LIPN: variants seen among roughly 807,000 people sequenced by gnomAD.
LIPN encodes the protein lipase family member N.
A neutral mutation model predicts 43.7 loss-of-function variants in LIPN; 32 were observed. That is an observed-to-expected ratio of 0.73 (90% CI 0.55 to 0.98). LIPN has a LOEUF of 0.98. Ranked by LOEUF, LIPN falls within the 50% of genes least tolerant of loss-of-function variation. The probability of loss-of-function intolerance (pLI) is 0.00; values close to 1 mark genes in which losing one functional copy is unlikely to be tolerated. For synonymous variants in LIPN, 156 were observed against 157.6 expected (o/e 0.99, Z 0.08); for missense variants, 505 against 483.8 (o/e 1.04, Z -0.41).
Position 88,762,301 on chromosome 10 carries a change from C to G in LIPN, c.222C>G (p.Ser74Arg), listed in dbSNP as rs781446885. ...CTTATGGGCGAACACATGCTAGGAG[C>G]ACAGGTACAAGATATGTCTCTCCTG... ...RIPYGRTHARSTGPRPVVYMQ... is the reference protein window; with the variant it reads ...RIPYGRTHARRTGPRPVVYMQ... The change falls in exon 3 of 10, where the codon AGC (serine) becomes AGG (arginine). Residue 74 changes from serine (S) to arginine (R), a missense_variant. Ser to Arg is a moderately radical substitution (Grantham distance 110). Coordinates refer to ENST00000404459, the MANE Select transcript of LIPN (RefSeq NM_001102469.2). The G allele has an allele frequency of 2.3e-5, 36 of 1,587,128 alleles. No homozygotes were observed. The highest frequency in any genetic ancestry group is 1.2e-4 in the Admixed American group (7 of 58,322).
intron 2 of LIPN, 58 bp from the exon 3 acceptor site, chr10:88,762,130 G>C: frequency 1.2e-6 from 1 of 869,446 alleles, no homozygotes; most frequent in South Asian, 1.5e-5. Flanking sequence ...GGTTTGTTTT[G>C]ATTCCTTTTT....
intron 6 of LIPN, 127 bp downstream of exon 6, chr10:88,769,055 G>A (rs2134846589): frequency 2.2e-6 from 2 of 917,162 alleles, no homozygotes; most frequent in Non-Finnish European, 1.6e-6. Flanking sequence ...AGACTCTGTG[G>A]GTATGTGCTT....
chr10:88,775,247 G>T, intron 9 of LIPN, 84 bp downstream of exon 9: 1 of 893,158 alleles, frequency 1.1e-6, no homozygotes. Context: ...ACTCCTACCT[G>T]TCATTTGGTG....
In LIPN at chr10:88,775,136, C is replaced by T. The variant is rs12412357; in HGVS notation, c.936C>T (p.Asp312=). ...DEFRAYDWGN[D]ADNMKHYNQS... is the part of the protein sequence containing the mutation. ...TCAGAGCTTATGACTGGGGAAATGA[C>T]GCTGATAATATGAAACATTACAATC... The change falls in exon 9 of 10, where the codon GAC becomes GAT. Residue 312 remains aspartate (D), a synonymous_variant. Transcript: ENST00000404459. The T allele has an allele frequency of 6.2e-3, 9,651 of 1,545,360 alleles. 344 individuals are homozygous for T. The Admixed American group carries it at 0.077, about 12-fold the overall frequency.
chr10:88,775,945 G>A (rs2133031674), intron 9 of LIPN, among the ~76,000 whole-genome samples: 1 of 152,148 alleles, frequency 6.6e-6, no homozygotes, highest in East Asian at 1.9e-4. Context: ...TGGCCTGTTA[G>A]AGGAATAATT....
chr10:88,776,636 A>G (rs761323074), intron 9 of LIPN, among the ~76,000 whole-genome samples: 7 of 152,082 alleles, frequency 4.6e-5, no homozygotes, highest in Non-Finnish European at 1.0e-4. Flanking sequence ...TCTATATTTT[A>G]TTGAGTATAA....
At chr10:88,759,374 CTG>C (rs1047816748), upstream of LIPN, among the ~76,000 whole-genome samples, 1 of 152,140 alleles carries the variant, frequency 6.6e-6, no homozygotes. Context: ...AAGCAGAAAA[CTG>C]AGGCACGTGT....
upstream of LIPN, among the ~76,000 whole-genome samples, chr10:88,758,134 T>A (rs1183490898): frequency 6.6e-6 from 1 of 152,086 alleles, no homozygotes; most frequent in Non-Finnish European, 1.5e-5. Flanking sequence ...ATAGGAAATG[T>A]GTTTTGAATA....
rs1373840031 is a variant in LIPN, at chr10:88,778,164, CTTTGAT to C, written c.1124_1129del (p.Asp375_Phe376del). The C allele has an allele frequency of 3.7e-6, 6 of 1,613,532 alleles. No homozygotes were observed. The South Asian group carries it at 6.6e-5, about 18-fold the overall frequency. On this transcript the variant is annotated inframe_deletion, in exon 10 of 10. Transcript: ENST00000404459. Reference sequence around the variant, plus strand: ...TTAAGCTATTGCCAGATTGGAACCACTTTGATTTTGTCTGGGGCCTCGATGCCCCTC... The same window carrying C: ...TTAAGCTATTGCCAGATTGGAACCACTTTGTCTGGGGCCTCGATGCCCCTC...
rs1022648692 is a variant in LIPN at position 88,778,985 on chromosome 10, T to A, written c.*743T>A. On this transcript the variant is annotated 3_prime_UTR_variant, in exon 10 of 10. Coordinates refer to ENST00000404459, the MANE Select transcript of LIPN (RefSeq NM_001102469.2). Reference sequence around the variant, plus strand: ...TTTTGTTCTTTGAGGGGTTTGAACATTCCATGAAAAACTGACAGATAGGAA... The same window carrying A: ...TTTTGTTCTTTGAGGGGTTTGAACAATCCATGAAAAACTGACAGATAGGAA... 6.6e-6 allele frequency among the ~76,000 whole-genome samples: 1 copy of A among 152,138 alleles called. No individual in the cohort carries two copies. Among genetic ancestry groups the A allele is most frequent in the African/African-American group, 2.4e-5 (1 of 41,440 alleles).
At chr10:88,776,733 C>G (rs1271396692) in intron 9 of LIPN, among the ~76,000 whole-genome samples, 2 of 152,196 alleles carry the variant, frequency 1.3e-5, no homozygotes, top group East Asian at 3.9e-4. Context: ...GAGTACATGA[C>G]AATTACTGGG....
rs34593176 is a variant in LIPN, at chr10:88,775,211, A to G, written c.963+48A>G. 0.055 allele frequency: 72,920 copies of G among 1,326,954 alleles called. 2,292 individuals are homozygous for G. The highest frequency in any genetic ancestry group is 0.06 in the South Asian group (4,365 of 72,766). 82.2% of individuals were successfully genotyped at this position (1,326,954 alleles called of 1,614,324 possible). ...AGCATGCTGATTTTGATAAATTATA[A>G]TAAAAAATTATTTGAGGGTGGAAAG... On this transcript the variant is annotated intron_variant, in intron 9 of 9. Transcript: ENST00000404459.
chr10:88,761,775 C>G (rs1276670818), intron 2 of LIPN, among the ~76,000 whole-genome samples: 70 of 80,478 alleles, frequency 8.7e-4, no homozygotes, highest in African/African-American at 5.7e-3. Flanking sequence ...ATCTATCTAT[C>G]TATTTATCTA....
At chr10:88,775,318 A>G (rs1843280252) in intron 9 of LIPN, among the ~76,000 whole-genome samples, 155 bp downstream of exon 9, 1 of 151,834 alleles carries the variant, frequency 6.6e-6, no homozygotes, top group Admixed American at 6.6e-5. Context: ...AATTTATTTC[A>G]GAAAATTTAT....
chr10:88,764,324 T>C, intron 3 of LIPN, 86 bp from the exon 4 acceptor site: 1 of 1,007,232 alleles, frequency 9.9e-7, no homozygotes. Context: ...GTTTCCGACA[T>C]GCTCTATTTA....
intron 3 of LIPN, among the ~76,000 whole-genome samples, chr10:88,763,801 T>G (rs1843042000): frequency 6.6e-6 from 1 of 152,020 alleles, no homozygotes; most frequent in African/African-American, 2.4e-5. Flanking sequence ...TTAAATGCTC[T>G]CCACTGGACA....
chr10:88,766,122 C>A (rs1843092002), intron 4 of LIPN, 147 bp from the exon 5 acceptor site: 2 of 581,984 alleles, frequency 3.4e-6, no homozygotes, highest in Admixed American at 3.2e-5. Flanking sequence ...GCTACAATAG[C>A]CTACATATAA....
chr10:88,777,982 T>C, intron 9 of LIPN, 27 bp from the exon 10 acceptor site: 1 of 1,461,998 alleles, frequency 6.8e-7, no homozygotes. Context: ...CTTCCTCTCA[T>C]GAATGCCCTT....
intron 4 of LIPN, among the ~76,000 whole-genome samples, chr10:88,765,026 G>C (rs531271666): frequency 6.6e-6 from 1 of 151,936 alleles, no homozygotes; most frequent in Non-Finnish European, 1.5e-5. Flanking sequence ...AATTTTACAA[G>C]TCATTGCTCC....
Sources: allele counts gnomAD v4.1 joint callset (sites outside exome capture counted in the v4.1 genomes callset), GRCh38; gene constraint gnomAD v4.1.1; transcripts MANE v1.5; gene names NCBI Gene and HGNC (gene_info 2026-07-23, HGNC 2026-07-21).